KDM5B: variants seen among roughly 807,000 people sequenced by gnomAD.
KDM5B encodes the protein lysine demethylase 5B.
Under a neutral mutation model 193.4 loss-of-function variants are expected in KDM5B, and 144 were observed. The ratio of observed to expected loss-of-function variants is 0.74; its 90% CI spans 0.65 to 0.86. The LOEUF is 0.86. Among genes scored for constraint, KDM5B ranks in the 40% least tolerant of loss-of-function variants. The pLI is 0.00. For synonymous variants in KDM5B, 668 were observed against 682.6 expected (o/e 0.98, Z 0.33); for missense variants, 1,833 against 1,886.9 (o/e 0.97, Z 0.53).
chr1:202,784,863 GTC>G (rs970559345), intron 1 of KDM5B, among the ~76,000 whole-genome samples: 110 of 152,150 alleles, frequency 7.2e-4, no homozygotes, highest in African/African-American at 2.6e-3. Flanking sequence ...GCAAAACCAA[GTC>G]TCTACAAAAA....
chr1:202,726,329 C>T lies in KDM5B; in HGVS notation c.*2707G>A, dbSNP rs1332800255. On this transcript the variant is annotated 3_prime_UTR_variant, in exon 27 of 27. Coordinates refer to ENST00000367265, the MANE Select transcript of KDM5B (RefSeq NM_006618.5). ...AATCCCACCTCCTAGGATACTGAAA[C>T]GAAGCTGTAAAGAAGTCAACTTCCT... 2.0e-5 allele frequency: 3 copies of T among 152,144 alleles called. No individual in the cohort carries two copies. Among genetic ancestry groups the T allele is most frequent in the African/African-American group, 7.2e-5 (3 of 41,426 alleles). The allele number at this position is 152,144 out of a possible 1,614,324, so 9.4% of individuals were successfully genotyped here. A position where few individuals can be genotyped will look rare whatever the true frequency, so the allele number is the denominator to read the frequency against.
chr1:202,746,684 AAT>A (rs1231683054), intron 14 of KDM5B: 4 of 166,370 alleles, frequency 2.4e-5, no homozygotes, highest in South Asian at 4.0e-4. Flanking sequence ...AAAAGAAAGG[AAT>A]ATGTTTCCTA....
chr1:202,739,725 C>T (rs917882943), intron 20 of KDM5B, among the ~76,000 whole-genome samples: 6 of 152,192 alleles, frequency 3.9e-5, no homozygotes, highest in Admixed American at 3.3e-4. Flanking sequence ...GCACATCTTG[C>T]ACCGCCCTTA....
intron 16 of KDM5B, among the ~76,000 whole-genome samples, chr1:202,745,441 G>A (rs770778428): frequency 6.6e-6 from 1 of 152,144 alleles, no homozygotes; most frequent in South Asian, 2.1e-4. Context: ...ACTTTAATTA[G>A]AACTAAGAAG....
At chr1:202,740,436 G>A in intron 20 of KDM5B, among the ~76,000 whole-genome samples, 1 of 129,300 alleles carries the variant, frequency 7.7e-6, no homozygotes, top group Admixed American at 7.8e-5. Context: ...TCCCGGACGG[G>A]GCGGCTGGCC....
chr1:202,739,077 A>G (rs988860849), intron 20 of KDM5B, among the ~76,000 whole-genome samples: 1 of 152,214 alleles, frequency 6.6e-6, no homozygotes, highest in Non-Finnish European at 1.5e-5. Flanking sequence ...ATTTAGTCAT[A>G]TAACTAGATT....
intron 1 of KDM5B, among the ~76,000 whole-genome samples, chr1:202,805,907 C>T (rs1466386640): frequency 1.3e-5 from 2 of 152,146 alleles, no homozygotes; most frequent in Non-Finnish European, 2.9e-5. Flanking sequence ...AAGCAAGTCC[C>T]CTCCACACAA....
intron 25 of KDM5B, among the ~76,000 whole-genome samples, chr1:202,730,456 T>C (rs1654839827): frequency 6.6e-6 from 1 of 152,188 alleles, no homozygotes; most frequent in South Asian, 2.1e-4. Flanking sequence ...TCTTGAAGGA[T>C]GTACACCCCC....
intron 9 of KDM5B, among the ~76,000 whole-genome samples, chr1:202,757,938 C>T (rs1045244152): frequency 9.9e-5 from 15 of 152,120 alleles, no homozygotes; most frequent in African/African-American, 3.6e-4. Flanking sequence ...ATGGAAAATG[C>T]TTATGCTTCA....
At chr1:202,797,005 AAGTCTATCCCCTCCT>A (rs1657875816) in intron 1 of KDM5B, 1 of 152,216 alleles carries the variant, frequency 6.6e-6, no homozygotes, top group Non-Finnish European at 1.5e-5. Context: ...TTGGATCATC[AAGTCTATCCCCTCCT>A]ATGCTATCAC....
rs1558478645 is a variant in KDM5B at position 202,731,893 on chromosome 1, C to T, written c.3956G>A (p.Trp1319Ter). 1 of 1,613,442 alleles carries T rather than the reference C, an allele frequency of 6.2e-7. No individual in the cohort carries two copies. Among genetic ancestry groups the T allele is most frequent in the Non-Finnish European group, 8.5e-7 (1 of 1,179,760 alleles). ...GTTSFSLPDD[W>*]DNRTSYLHSP... Reference sequence around the variant, plus strand: ...GTGCAAATATGAGGTTCTGTTGTCCCAGTCATCAGGCAAAGAAAATGATGT... The same window carrying T: ...GTGCAAATATGAGGTTCTGTTGTCCTAGTCATCAGGCAAAGAAAATGATGT... Residue 1319 changes from tryptophan (W) to a stop codon, truncating the protein, a stop_gained, in exon 24 of 27, where the codon TGG becomes TAG. Coordinates refer to ENST00000367265, the MANE Select transcript of KDM5B (RefSeq NM_006618.5). LOFTEE classifies it high-confidence loss of function.
At chr1:202,801,675 C>G (rs540018580) in intron 1 of KDM5B, among the ~76,000 whole-genome samples, 1 of 149,020 alleles carries the variant, frequency 6.7e-6, no homozygotes, top group African/African-American at 2.5e-5. Flanking sequence ...CCTCTTTAAT[C>G]CCATGCAAGG....
intron 23 of KDM5B, 185 bp from the exon 24 acceptor site, chr1:202,732,124 T>TC (rs1427057645): frequency 1.8e-6 from 1 of 547,104 alleles, no homozygotes. Context: ...ACTCATATCT[T>TC]CCCAAAGACC....
chr1:202,763,976 TTA>T, intron 6 of KDM5B, 71 bp downstream of exon 6: 1 of 849,684 alleles, frequency 1.2e-6, no homozygotes, highest in Non-Finnish European at 1.9e-6. Flanking sequence ...AATTTTCAGC[TTA>T]TGTTTACTTA....
chr1:202,798,217 AG>A (rs1172865856), intron 1 of KDM5B, among the ~76,000 whole-genome samples: 1 of 152,064 alleles, frequency 6.6e-6, no homozygotes, highest in Non-Finnish European at 1.5e-5. Context: ...ATAAAGATTC[AG>A]GGACAGAAAA....
chr1:202,756,848 C>A (rs10920474), intron 9 of KDM5B, among the ~76,000 whole-genome samples: 93,359 of 152,126 alleles, frequency 0.61, 31,562 homozygotes, highest in Middle Eastern at 0.77. Flanking sequence ...CAGTTGACAA[C>A]AGCACAGTAA....
In KDM5B at chr1:202,730,044, A is replaced by C; in HGVS notation, c.4177-17T>G. The C allele has an allele frequency of 6.3e-7, 1 of 1,587,936 alleles. No homozygotes were observed. The highest frequency in any genetic ancestry group is 8.6e-7 in the Non-Finnish European group (1 of 1,168,398). ...ACAGTCATTCTGGGTGGAAGATAGG[A>C]AAGTTCAATTTTCGCCTATGGGTCA... On this transcript the variant is annotated splice_polypyrimidine_tract_variant and intron_variant, in intron 25 of 26. Transcript: ENST00000367265.
Position 202,731,861 on chromosome 1 carries a change from AG to A in KDM5B, c.3987del (p.Phe1330SerfsTer17). The A allele has an allele frequency of 6.2e-7, 1 of 1,613,584 alleles. No individual in the cohort carries two copies. Among genetic ancestry groups the A allele is most frequent in the Non-Finnish European group, 8.5e-7 (1 of 1,179,622 alleles). ...WDNRTSYLHS[P>X]FSTGRSCIPL... is the part of the protein sequence containing the mutation. Reference sequence around the variant, plus strand: ...GGGATACAACTTCGTCCAGTTGAGAAGGGGGAGTGCAAATATGAGGTTCTGT... The same window carrying A: ...GGGATACAACTTCGTCCAGTTGAGAAGGGGAGTGCAAATATGAGGTTCTGT... On this transcript the variant is annotated frameshift_variant, in exon 24 of 27. Coordinates refer to ENST00000367265, the MANE Select transcript of KDM5B (RefSeq NM_006618.5). LOFTEE classifies it high-confidence loss of function.
intron 1 of KDM5B, among the ~76,000 whole-genome samples, chr1:202,797,489 T>C (rs563422998): frequency 7.9e-5 from 12 of 152,254 alleles, no homozygotes; most frequent in Non-Finnish European, 1.2e-4. Flanking sequence ...AATAAATAAA[T>C]AAATAAAAGA....
Sources: allele counts gnomAD v4.1 joint callset (sites outside exome capture counted in the v4.1 genomes callset), GRCh38; gene constraint gnomAD v4.1.1; transcripts MANE v1.5; gene names NCBI Gene and HGNC (gene_info 2026-07-23, HGNC 2026-07-21).